The following LGR4 variants were observed in gnomAD, a reference collection of about 807,000 sequenced individuals.
LGR4 encodes the protein leucine-rich repeat-containing G protein-coupled receptor 4.
LGR4 carries 44 observed loss-of-function variants against 84.8 expected under a neutral mutation model. That is an observed-to-expected ratio of 0.52 (90% CI 0.41 to 0.67). The LOEUF is 0.67. Among genes scored for constraint, LGR4 ranks in the 30% least tolerant of loss-of-function variants. The probability of loss-of-function intolerance (pLI) is 0.00; values close to 1 mark genes in which losing one functional copy is unlikely to be tolerated. For missense variants in LGR4, 1,032 were observed against 1,131.4 expected, an observed-to-expected ratio of 0.91 and a Z score of 1.26; for synonymous variants, 429 against 434.3, an observed-to-expected ratio of 0.99 and a Z score of 0.15.
chr11:27,397,443 AC>A (rs1252076396), intron 2 of LGR4, among the ~76,000 whole-genome samples: 3 of 151,994 alleles, frequency 2.0e-5, no homozygotes, highest in African/African-American at 7.3e-5. Flanking sequence ...CCCTTGTATG[AC>A]CCCTTACAAA....
chr11:27,368,130 G>T lies in LGR4; in HGVS notation c.2593C>A (p.Leu865Ile), dbSNP rs1725725228. ...LTVCDCCESFLLTKPVSCKHL... is the reference protein window; with the variant it reads ...LTVCDCCESFILTKPVSCKHL... ...TTGCATGATACTGGCTTTGTTAAAAGAAACGATTCGCAGCAGTCGCAAACA... is the reference window on the plus strand; with the variant it reads ...TTGCATGATACTGGCTTTGTTAAAATAAACGATTCGCAGCAGTCGCAAACA... The change falls in exon 18 of 18, where the codon CTT (leucine) becomes ATT (isoleucine). Residue 865 changes from leucine to isoleucine, a missense_variant. Coordinates refer to ENST00000379214, the MANE Select transcript of LGR4 (RefSeq NM_018490.5). The T allele has an allele frequency of 6.2e-7, 1 of 1,614,038 alleles. No homozygotes were observed. Among genetic ancestry groups the T allele is most frequent in the Non-Finnish European group, 8.5e-7 (1 of 1,179,984 alleles).
Position 27,398,552 on chromosome 11 carries a change from C to T in LGR4, c.258-6034G>A, listed in dbSNP as rs1234342228. Among the ~76,000 whole-genome samples the T allele has an allele frequency of 2.6e-5, 4 of 152,158 alleles. No individual in the cohort carries two copies. The East Asian group carries it at 7.7e-4, about 29-fold the overall frequency. ...CATATGGACTGAGCAGCAGGGAGGG[C>T]ACATGAGGATTCAGTGGCTTTCAGC... On this transcript the variant is annotated intron_variant, in intron 2 of 17. Coordinates refer to ENST00000379214, the MANE Select transcript of LGR4 (RefSeq NM_018490.5).
rs570621171 is a variant in LGR4 at position 27,465,268 on chromosome 11, A to G, written c.185+6850T>C. On this transcript the variant is annotated intron_variant, in intron 1 of 17. Transcript: ENST00000379214. The stretch of plus-strand genomic sequence containing the variant: ...TTCATGACAGAAAGCTAAGAAGGAT[A>G]TATATTTTAAATATTCATTTCAGGG... Among the ~76,000 whole-genome samples the G allele has an allele frequency of 2.7e-4, 41 of 152,340 alleles. 2 individuals carry two copies. In the South Asian group the frequency reaches 8.5e-3, roughly 32 times the overall value.
intron 4 of LGR4, among the ~76,000 whole-genome samples, chr11:27,387,301 C>CA (rs1315857188): frequency 6.6e-6 from 1 of 152,056 alleles, no homozygotes; most frequent in African/African-American, 2.4e-5. Flanking sequence ...ACATACAACA[C>CA]AATAAACACG....
rs1421127163 is a variant in LGR4 at position 27,454,136 on chromosome 11, A to T, written c.185+17982T>A. Reference sequence around the variant, plus strand: ...TATTCCAGGCTTTTAGATAAAAACTAAACTCTTTCAGCCAATTGCCAATCC... The same window carrying T: ...TATTCCAGGCTTTTAGATAAAAACTTAACTCTTTCAGCCAATTGCCAATCC... On this transcript the variant is annotated intron_variant, in intron 1 of 17. Coordinates refer to ENST00000379214, the MANE Select transcript of LGR4 (RefSeq NM_018490.5). Among the ~76,000 whole-genome samples, 4 of 152,344 alleles carry T rather than the reference A, an allele frequency of 2.6e-5. No individual in the cohort carries two copies. In the East Asian group the frequency reaches 7.7e-4, roughly 29 times the overall value.
intron 10 of LGR4, 155 bp from the exon 11 acceptor site, chr11:27,378,923 G>T (rs1863038707): frequency 1.7e-6 from 1 of 595,372 alleles, no homozygotes; most frequent in Non-Finnish European, 2.9e-6. Context: ...CATGCAAGAA[G>T]GTGAACTGAA....
chr11:27,391,913 T>C (rs1448565080), intron 3 of LGR4, among the ~76,000 whole-genome samples: 1 of 152,120 alleles, frequency 6.6e-6, no homozygotes, highest in African/African-American at 2.4e-5. Flanking sequence ...TCCAGCATGG[T>C]AGTGGCAGAA....
intron 2 of LGR4, among the ~76,000 whole-genome samples, chr11:27,405,573 T>A (rs1308704278): frequency 6.6e-6 from 1 of 152,166 alleles, no homozygotes; most frequent in Non-Finnish European, 1.5e-5. Flanking sequence ...ACTCCACATG[T>A]ATGTTAAAAA....
chr11:27,448,448 A>G (rs974855529), intron 1 of LGR4, among the ~76,000 whole-genome samples: 12 of 151,888 alleles, frequency 7.9e-5, no homozygotes, highest in Admixed American at 5.2e-4. Context: ...ATGTGCTTCC[A>G]TGCCTGGCTA....
intron 2 of LGR4, among the ~76,000 whole-genome samples, chr11:27,410,185 G>T (rs1863684187): frequency 6.6e-6 from 1 of 152,092 alleles, no homozygotes; most frequent in Non-Finnish European, 1.5e-5. Flanking sequence ...ACTCTAGAGG[G>T]TCTGTCAACT....
chr11:27,385,608 A>T, intron 4 of LGR4, 140 bp from the exon 5 acceptor site: 1 of 575,060 alleles, frequency 1.7e-6, no homozygotes, highest in Non-Finnish European at 3.0e-6. Flanking sequence ...TCCTCATAAC[A>T]TCTAATAACT....
rs770290241 is a variant in LGR4 at position 27,391,396 on chromosome 11, A to G, written c.330-231T>C. Among the ~76,000 whole-genome samples, 4 of 152,084 alleles carry G rather than the reference A, an allele frequency of 2.6e-5. No individual in the cohort carries two copies. The South Asian group carries it at 8.3e-4, about 32-fold the overall frequency. On this transcript the variant is annotated intron_variant, in intron 3 of 17. Transcript: ENST00000379214. ...TATCCCAAGCCATGCCCTAATACAG[A>G]CTTGCTGGGTAATCCATGTTTCCAA... is the stretch of plus-strand genomic sequence containing the variant.
At chr11:27,440,683 C>G (rs4539269) in intron 1 of LGR4, among the ~76,000 whole-genome samples, 106,340 of 152,036 alleles carry the variant, frequency 0.7, 37,309 homozygotes, top group South Asian at 0.82. Context: ...CTTTATTTTT[C>G]ACTAAGAAGT....
chr11:27,450,743 G>A (rs1462002948), intron 1 of LGR4, among the ~76,000 whole-genome samples: 1 of 152,028 alleles, frequency 6.6e-6, no homozygotes, highest in East Asian at 1.9e-4. Flanking sequence ...AGCTGAGATC[G>A]CGCCATTGCA....
At chr11:27,402,577 C>T (rs2133387868) in intron 2 of LGR4, among the ~76,000 whole-genome samples, 1 of 152,202 alleles carries the variant, frequency 6.6e-6, no homozygotes, top group East Asian at 1.9e-4. Flanking sequence ...CCTTAACTGC[C>T]TAAATGATAA....
intron 2 of LGR4, among the ~76,000 whole-genome samples, chr11:27,411,074 T>C (rs1176066706): frequency 2.0e-5 from 3 of 152,106 alleles, no homozygotes; most frequent in Non-Finnish European, 2.9e-5. Flanking sequence ...GTGCACACAG[T>C]GGCCCCACCC....
At position 27,376,389 on chromosome 11, in the gene LGR4, A is replaced by T; in HGVS notation, c.1110-19T>A. ...TAAAGAACTAAATAAAAAAAGAAGA[A>T]GAAAGAAGACGAAGACAAAGACAAA... On this transcript the variant is annotated intron_variant, in intron 12 of 17. Coordinates refer to ENST00000379214, the MANE Select transcript of LGR4 (RefSeq NM_018490.5). The T allele has an allele frequency of 3.0e-6, 4 of 1,332,812 alleles. No homozygotes were observed. The highest frequency in any genetic ancestry group is 3.2e-6 in the Non-Finnish European group (3 of 949,678). The allele number at this position is 1,332,812 out of a possible 1,614,324, so 82.6% of individuals were successfully genotyped here. A position where few individuals can be genotyped will look rare whatever the true frequency, so the allele number is the denominator to read the frequency against.
chr11:27,424,346 C>A (rs1206862145), intron 1 of LGR4, among the ~76,000 whole-genome samples: 1 of 152,128 alleles, frequency 6.6e-6, no homozygotes, highest in Non-Finnish European at 1.5e-5. Context: ...TTGAGACAAG[C>A]CTCAGCAACA....
chr11:27,380,136 C>T, intron 10 of LGR4, 135 bp downstream of exon 10: 2 of 536,840 alleles, frequency 3.7e-6, no homozygotes, highest in Non-Finnish European at 6.7e-6. Context: ...ATATTCTTCT[C>T]CATGCATGAT....
Sources: gnomAD v4.1 joint callset for allele counts (sites outside exome capture counted in the v4.1 genomes callset) on GRCh38, gnomAD v4.1.1 for gene constraint, MANE v1.5 for transcripts, NCBI Gene and HGNC (gene_info 2026-07-23, HGNC 2026-07-21) for gene names.